Variants in DCC observed in about 807,000 individuals in gnomAD.
DCC encodes the protein netrin receptor DCC.
Under a neutral mutation model 172.5 loss-of-function variants are expected in DCC, and 58 were observed. The ratio of observed to expected loss-of-function variants is 0.34; its 90% CI spans 0.27 to 0.42. DCC has a LOEUF of 0.42. DCC is among the 10% of genes least tolerant of loss of function. The pLI is 1.00. For missense variants in DCC, 1,740 were observed against 1,791.0 expected, an observed-to-expected ratio of 0.97 and a Z score of 0.51; for synonymous variants, 709 against 644.5, an observed-to-expected ratio of 1.10 and a Z score of -1.52.
chr18:53,160,161 C>A (rs2054813033), intron 8 of DCC, among the ~76,000 whole-genome samples: 1 of 152,062 alleles, frequency 6.6e-6, no homozygotes, highest in African/African-American at 2.4e-5. Context: ...TTGTTCTTAC[C>A]TTTCAATCCT....
chr18:53,256,827 A>G (rs1036276123), intron 12 of DCC, among the ~76,000 whole-genome samples: 3 of 152,088 alleles, frequency 2.0e-5, no homozygotes, highest in African/African-American at 7.2e-5. Context: ...TACAATATTG[A>G]TTCTTCCTAC....
chr18:52,411,939 G>C (rs375787609), intron 1 of DCC, among the ~76,000 whole-genome samples: 2 of 152,016 alleles, frequency 1.3e-5, no homozygotes, highest in Non-Finnish European at 2.9e-5. Context: ...CTCAGCCCAC[G>C]TTCAAAGTGC....
At chr18:52,777,019 G>A (rs990585069) in intron 2 of DCC, among the ~76,000 whole-genome samples, 11 of 151,936 alleles carry the variant, frequency 7.2e-5, no homozygotes, top group Admixed American at 5.2e-4. Flanking sequence ...TTTTGTGTGT[G>A]TTTTGATTTT....
chr18:52,665,027 T>C (rs2035438548), intron 1 of DCC, among the ~76,000 whole-genome samples: 1 of 152,258 alleles, frequency 6.6e-6, no homozygotes, highest in Non-Finnish European at 1.5e-5. Flanking sequence ...ATTGGCCCTT[T>C]TGGGACATGA....
At chr18:52,585,302 T>G (rs1352999155) in intron 1 of DCC, among the ~76,000 whole-genome samples, 1 of 152,206 alleles carries the variant, frequency 6.6e-6, no homozygotes, top group Non-Finnish European at 1.5e-5. Context: ...AGCTAAGCAC[T>G]ACATAGCCAG....
intron 1 of DCC, among the ~76,000 whole-genome samples, chr18:52,388,993 A>G (rs1394025095): frequency 1.3e-5 from 2 of 152,070 alleles, no homozygotes; most frequent in Non-Finnish European, 2.9e-5. Context: ...ATCAAAAACT[A>G]TGTCTTCTGC....
At chr18:52,679,224 C>T (rs142577416) in intron 1 of DCC, among the ~76,000 whole-genome samples, 1 of 151,644 alleles carries the variant, frequency 6.6e-6, no homozygotes, top group African/African-American at 2.4e-5. Context: ...TTATAATTAC[C>T]ATCATAATTT....
At position 53,516,406 on chromosome 18, in the gene DCC, G is replaced by A. The variant is rs12959935; in HGVS notation, c.4112-10211G>A. 5.8e-4 allele frequency among the ~76,000 whole-genome samples: 81 copies of A among 138,562 alleles called. 2 individuals are homozygous for A. In the East Asian group the frequency reaches 0.016, roughly 27 times the overall value. The allele number at this position is 138,562 out of a possible 152,430, so 90.9% of individuals were successfully genotyped here. A position where few individuals can be genotyped will look rare whatever the true frequency, so the allele number is the denominator to read the frequency against. ...TAGGCATGGGCAAGGACTTCATGTC[G>A]AAAACACCAAAAGCAATGGCAACAA... On this transcript the variant is annotated intron_variant, in intron 27 of 28. Coordinates refer to ENST00000442544, the MANE Select transcript of DCC (RefSeq NM_005215.4).
intron 1 of DCC, among the ~76,000 whole-genome samples, chr18:52,733,634 A>T (rs1043914591): frequency 4.6e-5 from 7 of 152,098 alleles, no homozygotes; most frequent in African/African-American, 1.4e-4. Flanking sequence ...AGTTAGGACT[A>T]GAGCTGTGTA....
intron 14 of DCC, among the ~76,000 whole-genome samples, chr18:53,329,248 C>T (rs1038402201): frequency 6.6e-6 from 1 of 152,008 alleles, no homozygotes; most frequent in Non-Finnish European, 1.5e-5. Context: ...AGCTTAAAAA[C>T]TTCCTACAAT....
chr18:53,026,304 T>C (rs2041954560), intron 5 of DCC, among the ~76,000 whole-genome samples: 1 of 152,146 alleles, frequency 6.6e-6, no homozygotes, highest in South Asian at 2.1e-4. Context: ...TATGTAATGA[T>C]CTCTCTTTAT....
intron 7 of DCC, among the ~76,000 whole-genome samples, chr18:53,154,459 G>C (rs554572679): frequency 2.0e-5 from 3 of 152,154 alleles, no homozygotes; most frequent in Non-Finnish European, 2.9e-5. Context: ...CCCTGAAGAC[G>C]ATTTGTGGAG....
intron 2 of DCC, among the ~76,000 whole-genome samples, chr18:52,819,131 A>T (rs1191689673): frequency 6.6e-6 from 1 of 152,196 alleles, no homozygotes; most frequent in Non-Finnish European, 1.5e-5. Context: ...CCTGATTAAC[A>T]ATACAATCAA....
At chr18:53,047,235 G>GATAT (rs70944616) in intron 5 of DCC, among the ~76,000 whole-genome samples, 49 of 30,168 alleles carry the variant, frequency 1.6e-3, no homozygotes, top group Non-Finnish European at 2.0e-3. Flanking sequence ...CTGCAGGTAG[G>GATAT]ATATATATAT....
Position 52,539,910 on chromosome 18 carries a change from A to C in DCC, c.91+199032A>C, listed in dbSNP as rs77398405. On this transcript the variant is annotated intron_variant, in intron 1 of 28. Coordinates refer to ENST00000442544, the MANE Select transcript of DCC (RefSeq NM_005215.4). ...AAAAATAAACAACAACAACAAAAAAACCCACAAAATTTAGGTATCACTAGG... is the reference window on the plus strand; with the variant it reads ...AAAAATAAACAACAACAACAAAAAACCCCACAAAATTTAGGTATCACTAGG... Among the ~76,000 whole-genome samples, 419 of 152,270 alleles carry C rather than the reference A, an allele frequency of 2.8e-3. 19 individuals carry two copies. In the East Asian group the frequency reaches 0.071, roughly 26 times the overall value.
At chr18:53,261,279 C>A (rs1226964096) in intron 12 of DCC, among the ~76,000 whole-genome samples, 2 of 152,138 alleles carry the variant, frequency 1.3e-5, no homozygotes, top group African/African-American at 4.8e-5. Context: ...AGAAATCACC[C>A]ATCTCCTGCA....
At chr18:52,818,652 G>A (rs146560080) in intron 2 of DCC, among the ~76,000 whole-genome samples, 16 of 152,142 alleles carry the variant, frequency 1.1e-4, no homozygotes, top group Non-Finnish European at 2.4e-4. Context: ...TTAGATCAAT[G>A]GTCACCAAAC....
intron 5 of DCC, among the ~76,000 whole-genome samples, chr18:52,969,603 CT>C (rs2040992975): frequency 6.7e-6 from 1 of 149,460 alleles, no homozygotes; most frequent in Admixed American, 6.7e-5. Flanking sequence ...CTCTCTCTCT[CT>C]CTCTCTCTCT....
chr18:52,585,392 A>C (rs529377725), intron 1 of DCC, among the ~76,000 whole-genome samples: 5 of 152,246 alleles, frequency 3.3e-5, no homozygotes, highest in African/African-American at 9.6e-5. Context: ...ACTCACATAC[A>C]TAAGACAGAT....
Sources: gnomAD v4.1 joint callset for allele counts (sites outside exome capture counted in the v4.1 genomes callset) on GRCh38, gnomAD v4.1.1 for gene constraint, MANE v1.5 for transcripts, NCBI Gene and HGNC (gene_info 2026-07-23, HGNC 2026-07-21) for gene names.